Variants in TUSC3 observed in about 807,000 individuals in gnomAD.
TUSC3 encodes the protein dolichyl-diphosphooligosaccharide--protein glycosyltransferase subunit TUSC3.
Under a neutral mutation model 44.8 loss-of-function variants are expected in TUSC3, and 45 were observed. The ratio of observed to expected loss-of-function variants is 1.00; its 90% CI spans 0.79 to 1.29. The LOEUF (loss-of-function observed/expected upper bound fraction) is 1.29, where lower values mean the gene tolerates loss of function less well. TUSC3 is among the 50% of genes most tolerant of loss of function. The pLI, the probability that TUSC3 is intolerant of heterozygous loss-of-function variation, is 0.00. For missense variants in TUSC3, 519 were observed against 437.9 expected (o/e 1.19, Z -1.65); for synonymous variants, 212 against 152.9 (o/e 1.39, Z -2.85).
intron 1 of TUSC3, among the ~76,000 whole-genome samples, chr8:15,554,880 C>G (rs955226683): frequency 1.3e-5 from 2 of 151,276 alleles, no homozygotes; most frequent in African/African-American, 4.8e-5. Context: ...GCTGGGATTA[C>G]AAGCGTGAGC....
chr8:15,660,201 A>T (rs1272154998), intron 4 of TUSC3, among the ~76,000 whole-genome samples: 2 of 152,064 alleles, frequency 1.3e-5, no homozygotes, highest in Admixed American at 1.3e-4. Flanking sequence ...TGAAAATAAT[A>T]TTCATTTTAT....
At position 15,548,411 on chromosome 8, in the gene TUSC3, G is replaced by C. The variant is rs553905642; in HGVS notation, c.138+7843G>C. 2.6e-4 allele frequency among the ~76,000 whole-genome samples: 40 copies of C among 151,854 alleles called. 1 individual carries two copies. In the South Asian group the frequency reaches 8.1e-3, roughly 31 times the overall value. On this transcript the variant is annotated intron_variant, in intron 1 of 10. Transcript: ENST00000503731. ...ATATGATACAGTTGTACATGGCTTT[G>C]GGAAAGTTTCCTTCTTCTTTACAGA...
At chr8:15,616,076 G>T (rs550513575) in intron 1 of TUSC3, among the ~76,000 whole-genome samples, 1 of 152,124 alleles carries the variant, frequency 6.6e-6, no homozygotes, top group African/African-American at 2.4e-5. Flanking sequence ...TCTAATGGTC[G>T]ATAACAGAGT....
chr8:15,824,655 G>A, the TUSC3 span, among the ~76,000 whole-genome samples: 3 of 152,114 alleles, frequency 2.0e-5, no homozygotes, highest in African/African-American at 7.2e-5. Flanking sequence ...TATACCTAAT[G>A]TTAAATGACG....
At chr8:15,728,046 T>C (rs1810571149) in intron 6 of TUSC3, among the ~76,000 whole-genome samples, 1 of 152,198 alleles carries the variant, frequency 6.6e-6, no homozygotes, top group Non-Finnish European at 1.5e-5. Flanking sequence ...AATAAGTCTC[T>C]AAGGACAAAG....
chr8:15,439,093 C>T (rs1051375247), intron 1 of TUSC3, among the ~76,000 whole-genome samples: 2 of 152,244 alleles, frequency 1.3e-5, no homozygotes, highest in Middle Eastern at 3.4e-3. Flanking sequence ...GAATGCAACT[C>T]GTCCATATAC....
intron 1 of TUSC3, among the ~76,000 whole-genome samples, chr8:15,440,118 A>G (rs1376564282): frequency 6.6e-6 from 1 of 152,204 alleles, no homozygotes; most frequent in Non-Finnish European, 1.5e-5. Context: ...TGAAAGAAGG[A>G]ACATTTCTAT....
At chr8:15,630,167 A>G (rs1453829279) in intron 2 of TUSC3, among the ~76,000 whole-genome samples, 1 of 152,202 alleles carries the variant, frequency 6.6e-6, no homozygotes, top group East Asian at 1.9e-4. Context: ...ACTATGGATC[A>G]GTAGATTTAA....
chr8:15,499,994 C>G (rs1563267203), intron 2 of TUSC3, among the ~76,000 whole-genome samples: 1 of 152,114 alleles, frequency 6.6e-6, no homozygotes, highest in Non-Finnish European at 1.5e-5. Context: ...ATTTTAAACT[C>G]CATTCCTTCA....
chr8:15,789,593 C>A, the TUSC3 span, among the ~76,000 whole-genome samples: 1 of 152,088 alleles, frequency 6.6e-6, no homozygotes, highest in African/African-American at 2.4e-5. Flanking sequence ...TAAACAAAAT[C>A]ATACAACCTG....
intron 1 of TUSC3, among the ~76,000 whole-genome samples, chr8:15,572,124 C>G (rs1398670470): frequency 6.6e-6 from 1 of 152,194 alleles, no homozygotes; most frequent in Non-Finnish European, 1.5e-5. Flanking sequence ...CGACTTCTCT[C>G]TAGCCATGGC....
At chr8:15,653,573 A>G (rs1026118182) in intron 3 of TUSC3, among the ~76,000 whole-genome samples, 3 of 152,178 alleles carry the variant, frequency 2.0e-5, no homozygotes, top group Non-Finnish European at 4.4e-5. Context: ...GTTAATTTTG[A>G]TTCAGCAGGA....
chr8:15,526,627 T>C (rs1471880025), intron 2 of TUSC3, among the ~76,000 whole-genome samples: 1 of 152,182 alleles, frequency 6.6e-6, no homozygotes, highest in East Asian at 1.9e-4. Flanking sequence ...CCATGTAAAA[T>C]GTGCCTTTCG....
At chr8:15,510,805 G>A (rs138639333) in intron 2 of TUSC3, among the ~76,000 whole-genome samples, 1 of 152,074 alleles carries the variant, frequency 6.6e-6, no homozygotes, top group East Asian at 1.9e-4. Flanking sequence ...TATCCCTCAT[G>A]ACTATGGACA....
chr8:15,428,126 C>T (rs575597923), intron 1 of TUSC3, among the ~76,000 whole-genome samples: 15 of 116,776 alleles, frequency 1.3e-4, no homozygotes, highest in African/African-American at 4.9e-4. Flanking sequence ...CCCCTCCCCC[C>T]ACCCCACAAC....
chr8:15,504,602 TA>T (rs1563268540), intron 2 of TUSC3, among the ~76,000 whole-genome samples: 623 of 42,804 alleles, frequency 0.015, 31 homozygotes, highest in East Asian at 0.094. Flanking sequence ...TATATATATA[TA>T]TATATATATA....
intron 2 of TUSC3, among the ~76,000 whole-genome samples, chr8:15,635,713 C>T (rs1806038523): frequency 6.6e-6 from 1 of 152,178 alleles, no homozygotes; most frequent in Admixed American, 6.5e-5. Flanking sequence ...CCTTGACTAG[C>T]ATGGCTGCTG....
At chr8:15,803,883 TC>T in the TUSC3 span, among the ~76,000 whole-genome samples, 1 of 152,158 alleles carries the variant, frequency 6.6e-6, no homozygotes, top group Non-Finnish European at 1.5e-5. Context: ...ATGAACTCAT[TC>T]TTTTTTATGT....
rs757488272 is a variant in TUSC3 at position 15,623,253 on chromosome 8, A to G, written c.308+4A>G. On this transcript the variant is annotated splice_donor_region_variant and intron_variant, in intron 2 of 10. Transcript: ENST00000503731. ...AGCGGCAGTGTTCTGTGTGCAGGTA[A>G]TTTATGTAATTAAAAAATATTAAAA... The G allele has an allele frequency of 1.9e-6, 3 of 1,579,028 alleles. No homozygotes were observed. Among genetic ancestry groups the G allele is most frequent in the Middle Eastern group, 3.4e-4 (2 of 5,860 alleles).
Sources: gnomAD v4.1 joint callset for allele counts (sites outside exome capture counted in the v4.1 genomes callset) on GRCh38, gnomAD v4.1.1 for gene constraint, MANE v1.5 for transcripts, NCBI Gene and HGNC (gene_info 2026-07-23, HGNC 2026-07-21) for gene names.